The following CYLD variants were observed in gnomAD, a reference collection of about 807,000 sequenced individuals.
The protein encoded by CYLD is ubiquitin carboxyl-terminal hydrolase CYLD.
A neutral mutation model predicts 104.5 loss-of-function variants in CYLD; 26 were observed. The observed-to-expected ratio is 0.25, with a 90% CI of 0.18 to 0.35. The LOEUF (loss-of-function observed/expected upper bound fraction) is 0.35, where lower values mean the gene tolerates loss of function less well. CYLD is among the 10% of genes least tolerant of loss of function. The pLI, the probability that CYLD is intolerant of heterozygous loss-of-function variation, is 1.00. For missense variants in CYLD, 703 were observed against 1,136.1 expected (o/e 0.62, Z 5.48); for synonymous variants, 385 against 399.9 (o/e 0.96, Z 0.45).
intron 5 of CYLD, among the ~76,000 whole-genome samples, chr16:50,766,078 A>G (rs187290891): frequency 1.3e-5 from 2 of 152,350 alleles, no homozygotes; most frequent in African/African-American, 2.4e-5. Flanking sequence ...ACAGCCTTCT[A>G]TTGGAAGAAG....
At chr16:50,786,658 G>C in intron 12 of CYLD, 197 bp from the exon 13 acceptor site, 2 of 518,476 alleles carry the variant, frequency 3.9e-6, no homozygotes, top group Non-Finnish European at 6.9e-6. Flanking sequence ...TACTTTGGTG[G>C]CTGAGGCATG....
At position 50,791,743 on chromosome 16, in the gene CYLD, G is replaced by C. The variant is rs181038167; in HGVS notation, c.2241+53G>C. 8.0e-5 allele frequency: 127 copies of C among 1,589,790 alleles called. 1 individual carries two copies. Among genetic ancestry groups the C allele is most frequent in the Admixed American group, 3.3e-4 (20 of 59,972 alleles). ...ATGTGAAAGTCTGTGGGAGTCTTAA[G>C]ACTATTGGTAGTTTCAGTATCTATT... On this transcript the variant is annotated intron_variant, in intron 15 of 18. Coordinates refer to ENST00000427738, the MANE Select transcript of CYLD (RefSeq NM_001378743.1).
At position 50,794,459 on chromosome 16, in the gene CYLD, C is replaced by T. The variant is rs2151039979; in HGVS notation, c.2686+31C>T. 3 of 1,602,330 alleles carry T rather than the reference C, an allele frequency of 1.9e-6. No homozygotes were observed. Among genetic ancestry groups the T allele is most frequent in the Admixed American group, 1.7e-5 (1 of 60,008 alleles). ...GAAAACGCCTTTCTTCTGCATGTGG[C>T]ACAGGGTTCTGGTTTGTAGTGGGAC... On this transcript the variant is annotated intron_variant, in intron 18 of 18. Coordinates refer to ENST00000427738, the MANE Select transcript of CYLD (RefSeq NM_001378743.1). The surrounding 1 kb of genome is among the most constrained non-coding windows in gnomAD (Gnocchi z 4.1).
intron 2 of CYLD, among the ~76,000 whole-genome samples, chr16:50,745,488 G>A (rs1328759672): frequency 6.7e-6 from 1 of 148,454 alleles, no homozygotes; most frequent in Admixed American, 6.8e-5. Context: ...CCATCCTCCA[G>A]AGTAGCTGGG....
chr16:50,784,573 T>C, intron 12 of CYLD, 122 bp downstream of exon 12: 2 of 1,084,580 alleles, frequency 1.8e-6, no homozygotes, highest in Non-Finnish European at 2.7e-6. Flanking sequence ...TTAGTTCTTA[T>C]GGTAAAATAT....
At position 50,792,695 on chromosome 16, in the gene CYLD, A is replaced by G. The variant is rs758417671; in HGVS notation, c.2340A>G (p.Leu780=). The part of the protein sequence containing the change: ...FPSLELNITD[L]LEDTPRQCRI... The stretch of plus-strand genomic sequence containing the variant: ...CTCTGGAATTAAATATAACAGATTT[A>G]CTTGAAGACAGTAAGTATGAGATTT... Residue 780 remains leucine, a synonymous_variant, in exon 16 of 19, where the codon TTA becomes TTG. Transcript: ENST00000427738. 8 of 1,447,518 alleles carry G rather than the reference A, an allele frequency of 5.5e-6. No individual in the cohort carries two copies. Among genetic ancestry groups the G allele is most frequent in the Non-Finnish European group, 7.7e-6 (8 of 1,035,042 alleles). 89.7% of individuals were successfully genotyped at this position (1,447,518 alleles called of 1,614,324 possible). A position where few individuals can be genotyped will look rare whatever the true frequency, so the allele number is the denominator to read the frequency against.
At position 50,754,427 on chromosome 16, in the gene CYLD, A is replaced by G. The variant is rs1267088171; in HGVS notation, c.913+3A>G. On this transcript the variant is annotated splice_donor_region_variant and intron_variant, in intron 5 of 18. Transcript: ENST00000427738. The stretch of plus-strand genomic sequence containing the variant: ...GCACATCAATGATATCATCCCAGGT[A>G]TGTTTTCTTTGTTTTATACATTTAT... The G allele has an allele frequency of 1.3e-6, 2 of 1,588,206 alleles. No individual in the cohort carries two copies. The highest frequency in any genetic ancestry group is 1.7e-6 in the Non-Finnish European group (2 of 1,158,174).
Position 50,751,653 on chromosome 16 carries a change from A to G in CYLD, c.554A>G (p.Gln185Arg), listed in dbSNP as rs777360812. The change falls in exon 4 of 19, where the codon CAG (glutamine) becomes CGG (arginine). Residue 185 changes from glutamine (Q) to arginine (R), a missense_variant. Around this residue, in one of 5 missense-constraint regions of CYLD, gnomAD observed 123 missense variants for 213.3 expected, o/e 0.58. Transcript: ENST00000427738. Reference protein sequence around the residue: ...GFTDGVYQGKQLFQCDEDCGV... With the variant: ...GFTDGVYQGKRLFQCDEDCGV... ...ACTGACGGGGTGTACCAAGGGAAAC[A>G]GCTTTTTCAGTGTGATGAAGATTGT... is the stretch of plus-strand genomic sequence containing the variant. 6.2e-7 allele frequency: 1 copy of G among 1,613,840 alleles called. No individual in the cohort carries two copies. The highest frequency in any genetic ancestry group is 8.5e-7 in the Non-Finnish European group (1 of 1,179,798).
chr16:50,755,179 G>A (rs200640737), intron 5 of CYLD, among the ~76,000 whole-genome samples: 67,884 of 125,096 alleles, frequency 0.54, 21,094 homozygotes, highest in African/African-American at 0.74. Flanking sequence ...ATATGTGTGT[G>A]TATATACACA....
intron 5 of CYLD, among the ~76,000 whole-genome samples, chr16:50,756,930 C>T (rs1190393585): frequency 6.6e-6 from 1 of 152,146 alleles, no homozygotes; most frequent in Non-Finnish European, 1.5e-5. Flanking sequence ...TACCTCCCCA[C>T]CCCAAATCCT....
intron 15 of CYLD, 64 bp downstream of exon 15, chr16:50,791,754 G>A (rs949261312): frequency 6.5e-7 from 1 of 1,548,284 alleles, no homozygotes; most frequent in East Asian, 2.3e-5. Flanking sequence ...ACTATTGGTA[G>A]TTTCAGTATC....
chr16:50,778,198 G>A (rs1228690446), intron 8 of CYLD: 2 of 349,802 alleles, frequency 5.7e-6, no homozygotes, highest in Non-Finnish European at 1.1e-5. Flanking sequence ...ATTTCTGTCT[G>A]GTTCCTTCCT....
At chr16:50,754,677 C>T (rs1022081101) in intron 5 of CYLD, among the ~76,000 whole-genome samples, 2 of 150,332 alleles carry the variant, frequency 1.3e-5, no homozygotes, top group Admixed American at 6.7e-5. Flanking sequence ...TATTCTTACA[C>T]CTTTGAATCC....
At position 50,782,308 on chromosome 16, in the gene CYLD, T is replaced by TAA; in HGVS notation, c.1685-11_1685-10dup. On this transcript the variant is annotated splice_polypyrimidine_tract_variant and intron_variant, in intron 10 of 18. Transcript: ENST00000427738. ...AAGAATTCTTTTCATTTACTTTTTT[T>TAA]AAAAAAATCTTTTCAGCATTTGGAG... 6.5e-7 allele frequency: 1 copy of TAA among 1,549,474 alleles called. No individual in the cohort carries two copies. The highest frequency in any genetic ancestry group is 1.7e-4 in the Middle Eastern group (1 of 5,836).
At chr16:50,782,265 C>CAT (rs1970293659) in intron 10 of CYLD, 60 bp from the exon 11 acceptor site, 1 of 1,234,986 alleles carries the variant, frequency 8.1e-7, no homozygotes, top group Non-Finnish European at 1.1e-6. Flanking sequence ...TATGGGAATA[C>CAT]ATATTGTAAT....
chr16:50,791,762 A>G (rs1379827438), intron 15 of CYLD, 72 bp downstream of exon 15: 2 of 1,531,922 alleles, frequency 1.3e-6, no homozygotes, highest in Middle Eastern at 1.7e-4. Context: ...TAGTTTCAGT[A>G]TCTATTGATT....
At position 50,746,670 on chromosome 16, in the gene CYLD, T is replaced by C. The variant is rs537985838; in HGVS notation, c.-123-2906T>C. Reference sequence around the variant, plus strand: ...TCCTTGTAGAGTTCACTTTAAAATATGGTACTTGAAAGCTATAGTTTATTA... The same window carrying C: ...TCCTTGTAGAGTTCACTTTAAAATACGGTACTTGAAAGCTATAGTTTATTA... On this transcript the variant is annotated intron_variant, in intron 2 of 18. Transcript: ENST00000427738. Among the ~76,000 whole-genome samples the C allele has an allele frequency of 1.9e-3, 290 of 152,306 alleles. 1 individual carries two copies. The highest frequency in any genetic ancestry group is 3.0e-3 in the Non-Finnish European group (207 of 68,008).
chr16:50,742,411 C>A (rs1054499681), intron 1 of CYLD: 16 of 181,798 alleles, frequency 8.8e-5, no homozygotes, highest in East Asian at 6.4e-4. Context: ...TTCCCCCCCC[C>A]ACCGGGGCTT....
At position 50,794,422 on chromosome 16, in the gene CYLD, C is replaced by T. The variant is rs1597094057; in HGVS notation, c.2680C>T (p.Arg894Trp). Reference protein sequence around the residue: ...AWLFFDSMADRDGGQNGFNIP... With the variant: ...AWLFFDSMADWDGGQNGFNIP... ...GCTCTTCTTTGACAGCATGGCCGAT[C>T]GGGATGGTACTGAAAACGCCTTTCT... is the stretch of plus-strand genomic sequence containing the variant. Residue 894 changes from arginine (R) to tryptophan (W), a missense_variant, in exon 18 of 19, where the codon CGG becomes TGG. Arg to Trp is a moderately radical substitution (Grantham distance 101). Transcript: ENST00000427738. This position sits in a 1 kb window ranked among gnomAD's most constrained non-coding sequence, Gnocchi z 4.1. 1.2e-6 allele frequency: 2 copies of T among 1,614,080 alleles called. No homozygotes were observed. The highest frequency in any genetic ancestry group is 1.7e-6 in the Non-Finnish European group (2 of 1,180,022).
Sources: allele counts gnomAD v4.1 joint callset (sites outside exome capture counted in the v4.1 genomes callset), GRCh38; gene constraint gnomAD v4.1.1; regional missense constraint gnomAD v4.1.1; non-coding constraint Gnocchi (gnomAD v3.1); transcripts MANE v1.5; gene names NCBI Gene and HGNC (gene_info 2026-07-23, HGNC 2026-07-21).